Variants in CACNA1E observed in about 807,000 individuals in gnomAD.
The protein encoded by CACNA1E is voltage-dependent R-type calcium channel subunit alpha-1E.
Under a neutral mutation model 259.2 loss-of-function variants are expected in CACNA1E, and 40 were observed. That is an observed-to-expected ratio of 0.15 (90% CI 0.12 to 0.20). The LOEUF (loss-of-function observed/expected upper bound fraction) is 0.20, where lower values mean the gene tolerates loss of function less well. CACNA1E is among the 10% of genes least tolerant of loss of function. The pLI is 1.00. For missense variants in CACNA1E, 1,874 were observed against 3,040.1 expected (o/e 0.62, Z 9.02); for synonymous variants, 1,104 against 1,138.5 (o/e 0.97, Z 0.61).
intron 6 of CACNA1E, among the ~76,000 whole-genome samples, chr1:181,602,453 C>T (rs965256586): frequency 6.6e-6 from 1 of 152,052 alleles, no homozygotes; most frequent in African/African-American, 2.4e-5. Flanking sequence ...TTTCTTGGGC[C>T]ATCATGTTGG....
At chr1:181,420,925 C>T (rs138419218) in intron 2 of CACNA1E, among the ~76,000 whole-genome samples, 12 of 152,196 alleles carry the variant, frequency 7.9e-5, no homozygotes, top group African/African-American at 2.9e-4. Flanking sequence ...AGAAGTCTGT[C>T]TGCTCCCCAT....
chr1:181,370,645 G>A (rs552810132), intron 1 of CACNA1E, among the ~76,000 whole-genome samples: 3 of 152,262 alleles, frequency 2.0e-5, no homozygotes, highest in South Asian at 4.1e-4. Flanking sequence ...ATTCCATGGT[G>A]TATACATACC....
Position 181,798,820 on chromosome 1 carries a change from G to C in CACNA1E, c.6928G>C (p.Asp2310His). Residue 2310 changes from aspartate (D) to histidine (H), a missense_variant, in exon 48 of 48, where the codon GAT becomes CAT. By Grantham distance (81) the Asp-to-His change is moderately conservative (BLOSUM62 -1). Transcript: ENST00000367573. This position sits in a 1 kb window ranked among gnomAD's most constrained non-coding sequence, Gnocchi z 4.2. The part of the protein sequence containing the change: ...VNNLLSDTEE[D>H]DKC ...CAACCTGCTAAGTGACACGGAAGAA[G>C]ATGACAAATGCTAGAGGCTGCTCCC... 2 of 1,521,986 alleles carry C rather than the reference G, an allele frequency of 1.3e-6. No homozygotes were observed. Among genetic ancestry groups the C allele is most frequent in the Non-Finnish European group, 1.8e-6 (2 of 1,136,260 alleles). 94.3% of individuals were successfully genotyped at this position (1,521,986 alleles called of 1,614,324 possible). A position where few individuals can be genotyped will look rare whatever the true frequency, so the allele number is the denominator to read the frequency against.
intron 1 of CACNA1E, among the ~76,000 whole-genome samples, chr1:181,320,659 C>T (rs1298534849): frequency 1.3e-5 from 2 of 152,184 alleles, no homozygotes; most frequent in Non-Finnish European, 2.9e-5. Flanking sequence ...ACTCCCTGCA[C>T]ACGAGGTTGA....
chr1:181,583,969 G>A (rs1651808437), intron 6 of CACNA1E, among the ~76,000 whole-genome samples: 1 of 152,144 alleles, frequency 6.6e-6, no homozygotes, highest in Non-Finnish European at 1.5e-5. Context: ...AGTACAATGT[G>A]TTCTCCTTCT....
chr1:181,689,289 T>C (rs973430916), intron 7 of CACNA1E, among the ~76,000 whole-genome samples: 3 of 152,224 alleles, frequency 2.0e-5, no homozygotes, highest in Non-Finnish European at 2.9e-5. Context: ...GCTTCATCCA[T>C]GTCCCTGCAA....
Position 181,483,708 on chromosome 1 carries a change from T to C in CACNA1E, c.-37T>C. Reference sequence around the variant, plus strand: ...GCTGTGTGCGGGTGTTCGGCCGCGATCACCTTTGTGTGTCTTCTGTCTGTT... The same window carrying C: ...GCTGTGTGCGGGTGTTCGGCCGCGACCACCTTTGTGTGTCTTCTGTCTGTT... On this transcript the variant is annotated 5_prime_UTR_variant, in exon 1 of 48. Transcript: ENST00000367573. 6.6e-7 allele frequency: 1 copy of C among 1,516,878 alleles called. No homozygotes were observed. The highest frequency in any genetic ancestry group is 8.9e-7 in the Non-Finnish European group (1 of 1,123,140). 94.0% of individuals were successfully genotyped at this position (1,516,878 alleles called of 1,614,324 possible). A position where few individuals can be genotyped will look rare whatever the true frequency, so the allele number is the denominator to read the frequency against.
At chr1:181,750,734 T>C (rs1657519593) in intron 26 of CACNA1E, among the ~76,000 whole-genome samples, 1 of 152,224 alleles carries the variant, frequency 6.6e-6, no homozygotes, top group Non-Finnish European at 1.5e-5. Context: ...CCTAATGCAG[T>C]GAAATCGTTT....
chr1:181,618,922 AT>A, intron 6 of CACNA1E, among the ~76,000 whole-genome samples: 1 of 152,368 alleles, frequency 6.6e-6, no homozygotes, highest in Non-Finnish European at 1.5e-5. Flanking sequence ...TACTACAAAA[AT>A]TATCAGTTTT....
chr1:181,781,285 T>C, intron 38 of CACNA1E, 142 bp from the exon 39 acceptor site: 2 of 615,076 alleles, frequency 3.3e-6, no homozygotes, highest in East Asian at 2.8e-5. Context: ...GTTTTCTGTA[T>C]TTTGTTCGTT....
intron 2 of CACNA1E, among the ~76,000 whole-genome samples, chr1:181,476,634 C>T (rs1385010659): frequency 6.6e-6 from 1 of 152,234 alleles, no homozygotes; most frequent in Non-Finnish European, 1.5e-5. Flanking sequence ...TGATACCTGA[C>T]ACGTGGAAGG....
chr1:181,651,856 T>C (rs1221203936), intron 7 of CACNA1E: 1 of 156,168 alleles, frequency 6.4e-6, no homozygotes, highest in East Asian at 1.9e-4. Flanking sequence ...TATTTGTGGC[T>C]TGAATTAGTT....
intron 7 of CACNA1E, among the ~76,000 whole-genome samples, chr1:181,658,412 G>A (rs749129949): frequency 2.6e-5 from 4 of 152,202 alleles, no homozygotes; most frequent in Non-Finnish European, 4.4e-5. Context: ...TTAGCATTGC[G>A]AATTTGGATA....
intron 6 of CACNA1E, among the ~76,000 whole-genome samples, chr1:181,608,991 C>A (rs1654492062): frequency 6.6e-6 from 1 of 152,218 alleles, no homozygotes; most frequent in Non-Finnish European, 1.5e-5. Flanking sequence ...GCTTTAGCAT[C>A]AGAAGAGATG....
At chr1:181,572,807 T>C (rs1375253454) in intron 3 of CACNA1E, among the ~76,000 whole-genome samples, 2 of 152,192 alleles carry the variant, frequency 1.3e-5, no homozygotes, top group Non-Finnish European at 2.9e-5. Context: ...TAAGCTACTT[T>C]TGTACATAGT....
chr1:181,718,007 G>T (rs750650508), intron 11 of CACNA1E, 48 bp from the exon 12 acceptor site: 1 of 906,014 alleles, frequency 1.1e-6, no homozygotes, highest in East Asian at 2.5e-5. Context: ...AGAAGTGCAT[G>T]AGCCCACCCC....
At chr1:181,508,916 G>T (rs1665941721) in intron 1 of CACNA1E, among the ~76,000 whole-genome samples, 1 of 152,098 alleles carries the variant, frequency 6.6e-6, no homozygotes, top group Admixed American at 6.5e-5. Flanking sequence ...GTCCCCTGAG[G>T]CCAGGTCTGT....
chr1:181,717,013 C>A, intron 10 of CACNA1E, 80 bp from the exon 11 acceptor site: 1 of 1,163,940 alleles, frequency 8.6e-7, no homozygotes, highest in Admixed American at 1.8e-5. Context: ...CTAGAGCAGC[C>A]CATCTTGCCC....
chr1:181,536,961 C>T (rs1668215542), intron 3 of CACNA1E, among the ~76,000 whole-genome samples: 2 of 152,050 alleles, frequency 1.3e-5, no homozygotes, highest in African/African-American at 4.8e-5. Flanking sequence ...AAACCATCAC[C>T]CTGTTGGTCA....
Sources: gnomAD v4.1 joint callset for allele counts (sites outside exome capture counted in the v4.1 genomes callset) on GRCh38, gnomAD v4.1.1 for gene constraint, Gnocchi (gnomAD v3.1) non-coding constraint, MANE v1.5 for transcripts, NCBI Gene and HGNC (gene_info 2026-07-23, HGNC 2026-07-21) for gene names.